Variants in MYOM2 observed in about 807,000 individuals in gnomAD.
MYOM2 encodes the protein myomesin-2.
In MYOM2, 254 loss-of-function variants were observed where a neutral mutation model predicts 187.6. The observed-to-expected ratio is 1.35, with a 90% CI of 1.22 to 1.50. The LOEUF is 1.50. Among genes scored for constraint, MYOM2 ranks in the 40% most tolerant of loss-of-function variants. The pLI, the probability that MYOM2 is intolerant of heterozygous loss-of-function variation, is 0.00. For synonymous variants in MYOM2, 981 were observed against 753.8 expected, an observed-to-expected ratio of 1.30 and a Z score of -4.94; for missense variants, 2,796 against 1,924.0, an observed-to-expected ratio of 1.45 and a Z score of -8.48.
chr8:2,120,683 T>TATAC (rs1563069298), intron 28 of MYOM2, among the ~76,000 whole-genome samples: 2 of 40,232 alleles, frequency 5.0e-5, no homozygotes, highest in African/African-American at 7.3e-5. Flanking sequence ...TATTATATTA[T>TATAC]ATATAAATAT....
chr8:2,090,045 C>T lies in MYOM2; in HGVS notation c.1682C>T (p.Ala561Val), dbSNP rs1004045495. ...VGSGSWQRVN[A>V]QTAVRSPRYA... ...AGCGGCAGCTGGCAGAGAGTCAACGCCCAGACGGCTGTGAGATCCCCGAGA... is the reference window on the plus strand; with the variant it reads ...AGCGGCAGCTGGCAGAGAGTCAACGTCCAGACGGCTGTGAGATCCCCGAGA... Residue 561 changes from alanine to valine, a missense_variant, in exon 15 of 37, where the codon GCC becomes GTC. Coordinates refer to ENST00000262113, the MANE Select transcript of MYOM2 (RefSeq NM_003970.4). The T allele has an allele frequency of 6.2e-6, 10 of 1,613,762 alleles. No individual in the cohort carries two copies. In the African/African-American group the frequency reaches 9.3e-5, roughly 15 times the overall value.
At chr8:2,125,807 A>G (rs950892692) in intron 31 of MYOM2, among the ~76,000 whole-genome samples, 1 of 151,530 alleles carries the variant, frequency 6.6e-6, no homozygotes, top group African/African-American at 2.4e-5. Flanking sequence ...ATGGGGTTTC[A>G]CCATGCTGGC....
chr8:2,100,141 C>T lies in MYOM2; in HGVS notation c.2441-735C>T, dbSNP rs201847764. Among the ~76,000 whole-genome samples the T allele has an allele frequency of 1.4e-4, 15 of 109,048 alleles. 1 individual carries two copies. In the East Asian group the frequency reaches 3.0e-3, roughly 22 times the overall value. 71.5% of individuals were successfully genotyped at this position (109,048 alleles called of 152,430 possible). ...CCTTCCTTCCTTCTTTCCTTCCTTCCTTCCTTCCTTCCTTCCTTCCTTCCT... is the reference window on the plus strand; with the variant it reads ...CCTTCCTTCCTTCTTTCCTTCCTTCTTTCCTTCCTTCCTTCCTTCCTTCCT... On this transcript the variant is annotated intron_variant, in intron 19 of 36. Coordinates refer to ENST00000262113, the MANE Select transcript of MYOM2 (RefSeq NM_003970.4).
At chr8:2,091,618 G>T (rs546157872) in intron 15 of MYOM2, among the ~76,000 whole-genome samples, 1 of 152,314 alleles carries the variant, frequency 6.6e-6, no homozygotes, top group East Asian at 1.9e-4. Context: ...ACAAGGTCAC[G>T]AGGCCGGCTG....
At chr8:2,100,028 CCTTCTTTCCTTCCTTCCTT>C (rs1796630928) in intron 19 of MYOM2, among the ~76,000 whole-genome samples, 1 of 82,478 alleles carries the variant, frequency 1.2e-5, no homozygotes, top group Non-Finnish European at 3.2e-5. Flanking sequence ...TTCCTTCCTT[CCTTCTTTCCTTCCTTCCTT>C]CTTTCCTTCC....
At chr8:2,126,170 A>G (rs4876222) in intron 31 of MYOM2, among the ~76,000 whole-genome samples, 94,394 of 152,030 alleles carry the variant, frequency 0.62, 29,582 homozygotes, top group East Asian at 0.8. Context: ...GTCACCTCGA[A>G]GCAGAGATGC....
In MYOM2 at chr8:2,109,489, C is replaced by T; in HGVS notation, c.3138C>T (p.Ser1046=). Reference sequence around the variant, plus strand: ...CTGAGCACTTATCACCAGATGCCAGCTACCGATTTATTATTAACGACAGAG... The same window carrying T: ...CTGAGCACTTATCACCAGATGCCAGTTACCGATTTATTATTAACGACAGAG... ...LQAEHLSPDA[S]YRFIINDREV... Residue 1046 remains serine (S), a synonymous_variant, in exon 25 of 37, where the codon AGC becomes AGT. Coordinates refer to ENST00000262113, the MANE Select transcript of MYOM2 (RefSeq NM_003970.4). 3 of 1,613,408 alleles carry T rather than the reference C, an allele frequency of 1.9e-6. No homozygotes were observed. Among genetic ancestry groups the T allele is most frequent in the Non-Finnish European group, 2.5e-6 (3 of 1,179,662 alleles).
At chr8:2,086,750 G>A (rs898945226) in intron 14 of MYOM2, among the ~76,000 whole-genome samples, 4 of 152,228 alleles carry the variant, frequency 2.6e-5, no homozygotes, top group Non-Finnish European at 5.9e-5. Context: ...GCCGTGTGGA[G>A]GACTGAGCTT....
Position 2,109,445 on chromosome 8 carries a change from G to T in MYOM2, c.3094G>T (p.Val1032Phe), listed in dbSNP as rs1262906190. ...TTATGAGATTTTTGATAAGGGGCGG[G>T]TTCGCTTCTGGCTCCAGGCTGAGCA... is the stretch of plus-strand genomic sequence containing the variant. Reference protein sequence around the residue: ...LAYEIFDKGRVRFWLQAEHLS... With the variant: ...LAYEIFDKGRFRFWLQAEHLS... Residue 1032 changes from valine (V) to phenylalanine (F), a missense_variant, in exon 25 of 37, where the codon GTT becomes TTT. Transcript: ENST00000262113. 1.9e-6 allele frequency: 3 copies of T among 1,612,768 alleles called. No homozygotes were observed. The highest frequency in any genetic ancestry group is 2.5e-6 in the Non-Finnish European group (3 of 1,179,408).
At chr8:2,051,631 G>A (rs901443181) in intron 2 of MYOM2, among the ~76,000 whole-genome samples, 10 of 152,202 alleles carry the variant, frequency 6.6e-5, no homozygotes, top group Non-Finnish European at 1.3e-4. Flanking sequence ...CAGCAGCCTT[G>A]GGGTGTCTCA....
intron 5 of MYOM2, 33 bp downstream of exon 5, chr8:2,057,813 T>A (rs754442583): frequency 3.7e-6 from 6 of 1,600,278 alleles, no homozygotes; most frequent in Non-Finnish European, 3.4e-6. Flanking sequence ...GGTGAAGAAG[T>A]CCATTCTGCG....
intron 6 of MYOM2, among the ~76,000 whole-genome samples, chr8:2,066,347 C>T (rs1357231227): frequency 1.3e-5 from 2 of 152,236 alleles, no homozygotes; most frequent in Non-Finnish European, 2.9e-5. Context: ...ATTTTACAGA[C>T]CGCCTTGCTC....
Position 2,117,947 on chromosome 8 carries a change from T to A in MYOM2, c.3448T>A (p.Cys1150Ser). The change falls in exon 28 of 37, where the codon TGC (cysteine) becomes AGC (serine). Residue 1150 changes from cysteine (C) to serine (S), a missense_variant. Cys to Ser is a moderately radical substitution (Grantham distance 112, BLOSUM62 -1). Coordinates refer to ENST00000262113, the MANE Select transcript of MYOM2 (RefSeq NM_003970.4). ...GGAAGAATGTGAAGTTCGACTTGTT[T>A]GCAAGGTGAGAAACCCGGTTCTAAC... ...VTEECEVRLVCKVANTKKETV... is the reference protein window; with the variant it reads ...VTEECEVRLVSKVANTKKETV... The A allele has an allele frequency of 6.2e-7, 1 of 1,612,872 alleles. No individual in the cohort carries two copies. Among genetic ancestry groups the A allele is most frequent in the Non-Finnish European group, 8.5e-7 (1 of 1,179,338 alleles).
At chr8:2,143,196 G>A (rs190945460) in intron 35 of MYOM2, among the ~76,000 whole-genome samples, 56 of 152,210 alleles carry the variant, frequency 3.7e-4, no homozygotes, top group Admixed American at 1.1e-3. Context: ...CCTTCACAGA[G>A]TCTGTTATCT....
chr8:2,092,524 C>G lies in MYOM2; in HGVS notation c.2003+4C>G, dbSNP rs377669488. The G allele has an allele frequency of 1.2e-6, 2 of 1,613,196 alleles. No homozygotes were observed. Among genetic ancestry groups the G allele is most frequent in the Non-Finnish European group, 1.7e-6 (2 of 1,179,660 alleles). ...ACAAGCCCATCGGATACAACAGGTG[C>G]GGCCTCCCTCCCCAGCCCTGGAGTC... On this transcript the variant is annotated splice_donor_region_variant and intron_variant, in intron 16 of 36. Transcript: ENST00000262113.
intron 28 of MYOM2, among the ~76,000 whole-genome samples, chr8:2,120,658 G>GTATA (rs1188510311): frequency 0.21 from 585 of 2,806 alleles, 42 homozygotes; most frequent in African/African-American, 0.36. Flanking sequence ...TTGATTTCCT[G>GTATA]TATATATATA....
At position 2,069,258 on chromosome 8, in the gene MYOM2, C is replaced by G. The variant is rs1473242978; in HGVS notation, c.654-20C>G. ...TACACAACAGTCCCGCAGACTTTCTCTTGTTTTTTTCTCTCCAAGGGCAGA... is the reference window on the plus strand; with the variant it reads ...TACACAACAGTCCCGCAGACTTTCTGTTGTTTTTTTCTCTCCAAGGGCAGA... On this transcript the variant is annotated intron_variant, in intron 6 of 36. Transcript: ENST00000262113. 1 of 1,601,916 alleles carries G rather than the reference C, an allele frequency of 6.2e-7. No individual in the cohort carries two copies. The highest frequency in any genetic ancestry group is 2.2e-5 in the East Asian group (1 of 44,594).
chr8:2,047,996 T>C (rs1007281161), intron 1 of MYOM2, among the ~76,000 whole-genome samples: 16 of 152,346 alleles, frequency 1.1e-4, no homozygotes, highest in African/African-American at 3.8e-4. Flanking sequence ...AGGTCTTAGG[T>C]CTAAGGAGGA....
intron 8 of MYOM2, among the ~76,000 whole-genome samples, chr8:2,070,672 C>T (rs898266224): frequency 4.6e-5 from 7 of 152,228 alleles, no homozygotes; most frequent in African/African-American, 4.8e-5. Flanking sequence ...GGCGCAGTTA[C>T]AGCATAGATC....
Sources: gnomAD v4.1 joint callset for allele counts (sites outside exome capture counted in the v4.1 genomes callset) on GRCh38, gnomAD v4.1.1 for gene constraint, MANE v1.5 for transcripts, NCBI Gene and HGNC (gene_info 2026-07-23, HGNC 2026-07-21) for gene names.